The following HUWE1 variants were observed in gnomAD, a reference collection of about 807,000 sequenced individuals.
The protein encoded by HUWE1 is E3 ubiquitin-protein ligase HUWE1.
A neutral mutation model predicts 299.4 loss-of-function variants in HUWE1; 18 were observed. The ratio of observed to expected loss-of-function variants is 0.06; its 90% CI spans 0.04 to 0.09. HUWE1 has a LOEUF of 0.09. HUWE1 is among the 10% of genes least tolerant of loss of function. HUWE1 has a pLI of 1.00. For missense variants in HUWE1, 1,832 were observed against 3,462.3 expected (o/e 0.53, Z 11.82); for synonymous variants, 1,317 against 1,286.1 (o/e 1.02, Z -0.51).
intron 33 of HUWE1, among the ~76,000 whole-genome samples, chrX:53,592,090 A>G (rs2064195648): frequency 8.9e-6 from 1 of 112,161 alleles, no homozygotes; most frequent in Non-Finnish European, 1.9e-5. Flanking sequence ...CTGGTTCACA[A>G]TATCCATTCT....
intron 2 of HUWE1, among the ~76,000 whole-genome samples, chrX:53,682,978 G>C (rs2070256768): frequency 1.8e-5 from 2 of 111,947 alleles, no homozygotes; most frequent in African/African-American, 6.5e-5. Flanking sequence ...AGCATGCAGA[G>C]CTAAGAAATC....
chrX:53,610,786 C>T lies in HUWE1; in HGVS notation c.2262-1877G>A, dbSNP rs1017635353. Among the ~76,000 whole-genome samples, 6 of 111,520 alleles carry T rather than the reference C, an allele frequency of 5.4e-5. No homozygotes were observed. The South Asian group carries it at 1.9e-3, about 35-fold the overall frequency. On this transcript the variant is annotated intron_variant, in intron 23 of 83. Transcript: ENST00000262854. ...GCACTCATTGCCTTTAAATTCCAGA[C>T]AATTGCTATTCAAGTTCTAAAGATG...
Position 53,536,268 on chromosome X carries a change from T to A in HUWE1, c.12426-16A>T. ...ATCTGTATATCTAGAAAAACACAAT[T>A]ATACAGGGTCATGGTTTGCGAGTGG... is the stretch of plus-strand genomic sequence containing the variant. On this transcript the variant is annotated splice_polypyrimidine_tract_variant and intron_variant, in intron 79 of 83. Transcript: ENST00000262854. 2 of 1,154,070 alleles carry A rather than the reference T, an allele frequency of 1.7e-6. No homozygotes were observed. The highest frequency in any genetic ancestry group is 2.4e-6 in the Non-Finnish European group (2 of 843,668).
At position 53,564,551 on chromosome X, in the gene HUWE1, T is replaced by C. The variant is rs782092872; in HGVS notation, c.7029+23A>G. ...TTGGTTCAGCGCCGCAACAGGGAAA[T>C]GCTGGGTGATCTGCCTCCCTACCTG... On this transcript the variant is annotated intron_variant, in intron 51 of 83. Transcript: ENST00000262854. 6 of 1,208,086 alleles carry C rather than the reference T, an allele frequency of 5.0e-6. No individual in the cohort carries two copies. In the South Asian group the frequency reaches 7.0e-5, roughly 14 times the overall value.
intron 70 of HUWE1, among the ~76,000 whole-genome samples, chrX:53,545,841 T>C (rs1285882523): frequency 9.0e-6 from 1 of 111,151 alleles, no homozygotes; most frequent in African/African-American, 3.3e-5. Context: ...ATGATTGGGA[T>C]GAGGGTGGGA....
Position 53,536,681 on chromosome X carries a change from C to T in HUWE1, c.12138-14G>A. 1.7e-6 allele frequency: 2 copies of T among 1,201,811 alleles called. No individual in the cohort carries two copies. Among genetic ancestry groups the T allele is most frequent in the Non-Finnish European group, 2.3e-6 (2 of 887,744 alleles). On this transcript the variant is annotated splice_polypyrimidine_tract_variant and intron_variant, in intron 78 of 83. Coordinates refer to ENST00000262854, the MANE Select transcript of HUWE1 (RefSeq NM_031407.7). ...AATACTATATACCTGCATAAGAAAG[C>T]AGAAGCAGAAAAGAGCTGTGCAGAA...
At chrX:53,555,485 C>T (rs1462953881) in intron 60 of HUWE1, among the ~76,000 whole-genome samples, 1 of 110,083 alleles carries the variant, frequency 9.1e-6, no homozygotes, top group African/African-American at 3.3e-5. Flanking sequence ...GCCACCATAC[C>T]TGACTAATTT....
chrX:53,656,917 G>T (rs1164588332), intron 3 of HUWE1, among the ~76,000 whole-genome samples: 2 of 109,055 alleles, frequency 1.8e-5, no homozygotes, highest in Non-Finnish European at 3.8e-5. Flanking sequence ...TTTGACAAAG[G>T]TTAAAAAAAA....
chrX:53,544,514 T>C, intron 72 of HUWE1, 46 bp downstream of exon 72: 1 of 1,077,933 alleles, frequency 9.3e-7, no homozygotes, highest in Middle Eastern at 3.5e-4. Context: ...AATCTGGCTT[T>C]ACCGCCACCA....
rs149893977 is a variant in HUWE1 at position 53,584,256 on chromosome X, T to C, written c.5091A>G (p.Gly1697=). The C allele has an allele frequency of 2.2e-3, 2,660 of 1,203,279 alleles. 6 individuals carry two copies. The highest frequency in any genetic ancestry group is 0.01 in the Middle Eastern group (45 of 4,338). The change falls in exon 41 of 84, where the codon GGA becomes GGG. Residue 1697 remains glycine (G), a synonymous_variant. Coordinates refer to ENST00000262854, the MANE Select transcript of HUWE1 (RefSeq NM_031407.7). ...RLNKNSKNSN[G]QELEKTLEES... The stretch of plus-strand genomic sequence containing the variant: ...CTTCCAGCGTCTTCTCTAGTTCCTG[T>C]CCATTGCTGTTTTTTGAATTTTTAT...
intron 38 of HUWE1, 41 bp from the exon 39 acceptor site, chrX:53,586,612 C>T (rs1556973507): frequency 5.4e-6 from 6 of 1,108,558 alleles, no homozygotes; most frequent in Non-Finnish European, 7.4e-6. Flanking sequence ...AGCAAGAAAC[C>T]TGCACAAATT....
At position 53,563,786 on chromosome X, in the gene HUWE1, C is replaced by T; in HGVS notation, c.7065G>A (p.Leu2355=). 8.3e-7 allele frequency: 1 copy of T among 1,211,657 alleles called. No individual in the cohort carries two copies. Among genetic ancestry groups the T allele is most frequent in the Non-Finnish European group, 1.1e-6 (1 of 895,437 alleles). ...TCCCAGATCCGCCATCCCTCTCAAGCAACTCATCTATCAGGTCCTCCAGCT... is the reference window on the plus strand; with the variant it reads ...TCCCAGATCCGCCATCCCTCTCAAGTAACTCATCTATCAGGTCCTCCAGCT... ...ENELEDLIDE[L]LERDGGSGNS... Residue 2355 remains leucine (L), a synonymous_variant, in exon 52 of 84, where the codon TTG becomes TTA. Coordinates refer to ENST00000262854, the MANE Select transcript of HUWE1 (RefSeq NM_031407.7).
chrX:53,590,582 C>A (rs1267890757), intron 34 of HUWE1, 83 bp from the exon 35 acceptor site: 22 of 702,800 alleles, frequency 3.1e-5, no homozygotes, highest in Non-Finnish European at 4.8e-5. Context: ...CACAGGCAAT[C>A]AGACATCTTG....
rs2060820196 is a variant in HUWE1 at position 53,532,580 on chromosome X, C to T, written c.*729G>A. The T allele has an allele frequency of 9.2e-6, 1 of 108,575 alleles. No individual in the cohort carries two copies. Among genetic ancestry groups the T allele is most frequent in the Non-Finnish European group, 1.9e-5 (1 of 52,497 alleles). The allele number at this position is 108,575 out of a possible 1,213,427, so 8.9% of individuals were successfully genotyped here. On this transcript the variant is annotated 3_prime_UTR_variant, in exon 84 of 84. Coordinates refer to ENST00000262854, the MANE Select transcript of HUWE1 (RefSeq NM_031407.7). ...TCTAAAAAAAAAAAACAGATGCCCC[C>T]ACCCCCAATTCCTGGTGAACTGCTC...
intron 7 of HUWE1, among the ~76,000 whole-genome samples, chrX:53,639,338 T>C (rs1477383743): frequency 8.9e-6 from 1 of 112,053 alleles, no homozygotes; most frequent in Non-Finnish European, 1.9e-5. Flanking sequence ...TAATATCATA[T>C]TAAATGTATC....
rs782423036 is a variant in HUWE1 at position 53,542,509 on chromosome X, G to C, written c.11410C>G (p.Arg3804Gly). Residue 3804 changes from arginine to glycine, a missense_variant, in exon 74 of 84, where the codon CGG becomes GGG. Arg to Gly is a moderately radical substitution (Grantham distance 125). Coordinates refer to ENST00000262854, the MANE Select transcript of HUWE1 (RefSeq NM_031407.7). ...ACATCCATGGGTGATTCCTCCCTCCGGACAGACGCCTCTGACTGGCTAGAC... is the reference window on the plus strand; with the variant it reads ...ACATCCATGGGTGATTCCTCCCTCCCGACAGACGCCTCTGACTGGCTAGAC... ...SESSQSEASVRREESPMDVDQ... is the reference protein window; with the variant it reads ...SESSQSEASVGREESPMDVDQ... 5 of 1,201,303 alleles carry C rather than the reference G, an allele frequency of 4.2e-6. No individual in the cohort carries two copies. The South Asian group carries it at 8.8e-5, about 21-fold the overall frequency.
intron 73 of HUWE1, chrX:53,543,597 C>T (rs2061438285): frequency 1.2e-5 from 5 of 415,945 alleles, no homozygotes; most frequent in South Asian, 6.7e-5. Context: ...TTTGCAAAAG[C>T]GCCACTGTTG....
intron 49 of HUWE1, among the ~76,000 whole-genome samples, chrX:53,566,489 C>T (rs1461550826): frequency 6.4e-5 from 7 of 109,321 alleles, no homozygotes; most frequent in Non-Finnish European, 1.3e-4. Context: ...TACCACAGGC[C>T]CAGCTGAGTA....
chrX:53,587,395 ATAGG>A (rs1192791036), intron 37 of HUWE1, among the ~76,000 whole-genome samples: 2 of 112,569 alleles, frequency 1.8e-5, no homozygotes, highest in Non-Finnish European at 3.8e-5. Flanking sequence ...ATGTCCAAGG[ATAGG>A]TAATTATTTA....
Sources: gnomAD v4.1 joint callset for allele counts (sites outside exome capture counted in the v4.1 genomes callset) on GRCh38, gnomAD v4.1.1 for gene constraint, MANE v1.5 for transcripts, NCBI Gene and HGNC (gene_info 2026-07-23, HGNC 2026-07-21) for gene names.